The following TENT4B variants were observed in gnomAD, a reference collection of about 807,000 sequenced individuals.
TENT4B encodes the protein terminal nucleotidyltransferase 4B.
In TENT4B, 10 loss-of-function variants were observed where a neutral mutation model predicts 75.0. The ratio of observed to expected loss-of-function variants is 0.13; its 90% CI spans 0.08 to 0.23. The LOEUF is 0.23. Among genes scored for constraint, TENT4B ranks in the 10% least tolerant of loss-of-function variants. The pLI is 1.00. For synonymous variants in TENT4B, 350 were observed against 357.7 expected, an observed-to-expected ratio of 0.98 and a Z score of 0.24; for missense variants, 579 against 893.8, an observed-to-expected ratio of 0.65 and a Z score of 4.49.
In TENT4B at chr16:50,229,479, C is replaced by A; in HGVS notation, c.*151C>A. 4 of 1,241,260 alleles carry A rather than the reference C, an allele frequency of 3.2e-6. No individual in the cohort carries two copies. The highest frequency in any genetic ancestry group is 3.7e-5 in the South Asian group (1 of 26,932). 76.9% of individuals were successfully genotyped at this position (1,241,260 alleles called of 1,614,324 possible). ...TTTCCCAGCTCGCCACAGAATGGAT[C>A]ATGAAGACTGACAACTGCAAAAAAA... On this transcript the variant is annotated 3_prime_UTR_variant, in exon 12 of 12. Transcript: ENST00000561678.
intron 1 of TENT4B, among the ~76,000 whole-genome samples, chr16:50,204,522 G>C (rs2030838514): frequency 6.6e-6 from 1 of 152,136 alleles, no homozygotes; most frequent in East Asian, 1.9e-4. Flanking sequence ...TGTCTAGCTG[G>C]TAGCTGCAAG....
Position 50,224,900 on chromosome 16 carries a change from T to C in TENT4B, c.1518T>C (p.Gly506=). 6.2e-7 allele frequency: 1 copy of C among 1,613,416 alleles called. No homozygotes were observed. Among genetic ancestry groups the C allele is most frequent in the Non-Finnish European group, 8.5e-7 (1 of 1,179,506 alleles). ...YPNNETESIL[G]RIIRVTDEVA... is the part of the protein sequence containing the mutation. ...TTTTAAACACATGCAGCATACTAGG[T>C]AGAATAATTAGAGTAACAGATGAAG... Residue 506 remains glycine (G), a synonymous_variant, in exon 9 of 12, where the codon GGT becomes GGC. Coordinates refer to ENST00000561678, the MANE Select transcript of TENT4B (RefSeq NM_001365324.3).
At chr16:50,196,498 A>ATCT (rs1413043836) in intron 1 of TENT4B, among the ~76,000 whole-genome samples, 2 of 145,832 alleles carry the variant, frequency 1.4e-5, no homozygotes, top group Non-Finnish European at 2.9e-5. Flanking sequence ...TATCATCATC[A>ATCT]TCATCATCAT....
At position 50,230,184 on chromosome 16, in the gene TENT4B, G is replaced by A. The variant is rs72780194; in HGVS notation, c.*856G>A. The A allele has an allele frequency of 0.018, 17,422 of 983,500 alleles. 195 individuals are homozygous for A. Among genetic ancestry groups the A allele is most frequent in the Middle Eastern group, 0.024 (46 of 1,910 alleles). 60.9% of individuals were successfully genotyped at this position (983,500 alleles called of 1,614,324 possible). On this transcript the variant is annotated 3_prime_UTR_variant, in exon 12 of 12. Coordinates refer to ENST00000561678, the MANE Select transcript of TENT4B (RefSeq NM_001365324.3). ...CTGAAAAATCTCTGGTCATCTCCGA[G>A]AATTAACTTGCAACTGTTTTCTATA...
At chr16:50,165,518 C>T (rs2038083429) in intron 1 of TENT4B, among the ~76,000 whole-genome samples, 3 of 152,086 alleles carry the variant, frequency 2.0e-5, no homozygotes, top group Non-Finnish European at 4.4e-5. Context: ...GTACAACCAT[C>T]GCAACTAATT....
At chr16:50,153,285 C>T (rs1280445959), upstream of TENT4B, among the ~76,000 whole-genome samples, 1 of 137,126 alleles carries the variant, frequency 7.3e-6, no homozygotes, top group Non-Finnish European at 1.6e-5. Flanking sequence ...GCTGCCGCCG[C>T]TGCCGCCGCC....
intron 1 of TENT4B, among the ~76,000 whole-genome samples, chr16:50,177,424 T>C (rs1258217494): frequency 6.6e-6 from 1 of 152,194 alleles, no homozygotes; most frequent in African/African-American, 2.4e-5. Flanking sequence ...TAAAGGTGCA[T>C]TGAGATTGTC....
At chr16:50,202,605 A>T (rs972430773) in intron 1 of TENT4B, among the ~76,000 whole-genome samples, 3 of 152,206 alleles carry the variant, frequency 2.0e-5, no homozygotes, top group Non-Finnish European at 4.4e-5. Context: ...GAATACCATC[A>T]ACCGTTCTTC....
intron 1 of TENT4B, among the ~76,000 whole-genome samples, chr16:50,176,431 A>G: frequency 6.6e-6 from 1 of 150,598 alleles, no homozygotes; most frequent in Non-Finnish European, 1.5e-5. Flanking sequence ...AAATCCACAT[A>G]TAAGTGGACA....
rs897900780 is a variant in TENT4B, at chr16:50,153,837, G to A, written c.216G>A (p.Ala72=). The change falls in exon 1 of 12, where the codon GCG becomes GCA. Residue 72 remains alanine, a synonymous_variant. Transcript: ENST00000561678. ...GCAGCACCGGCAGCCCCGGCGGCGC[G>A]GCCTCGGCCCCGGCCCCGGCCCCGG... ...SGSSTGSPGG[A]ASAPAPAPAG... 6 of 1,256,732 alleles carry A rather than the reference G, an allele frequency of 4.8e-6. No homozygotes were observed. The African/African-American group carries it at 7.8e-5, about 16-fold the overall frequency. The allele number at this position is 1,256,732 out of a possible 1,614,324, so 77.8% of individuals were successfully genotyped here.
At chr16:50,222,965 TACAA>T (rs913879681) in intron 6 of TENT4B, among the ~76,000 whole-genome samples, 16 of 152,186 alleles carry the variant, frequency 1.1e-4, no homozygotes, top group African/African-American at 3.9e-4. Flanking sequence ...AATTCAGCCT[TACAA>T]ACAGTCTCCC....
At chr16:50,180,986 C>G (rs2038404221) in intron 1 of TENT4B, among the ~76,000 whole-genome samples, 1 of 152,170 alleles carries the variant, frequency 6.6e-6, no homozygotes, top group Non-Finnish European at 1.5e-5. Context: ...TGATTAGAAC[C>G]ATAACAAGTG....
intron 2 of TENT4B, 78 bp from the exon 3 acceptor site, chr16:50,214,143 T>A: frequency 2.6e-6 from 3 of 1,158,762 alleles, no homozygotes; most frequent in Non-Finnish European, 1.3e-6. Context: ...AAACTGACAT[T>A]TCTCCATATC....
rs944239471 is a variant in TENT4B, at chr16:50,231,510, G to A, written c.*2182G>A. The A allele has an allele frequency of 1.5e-5, 15 of 985,602 alleles. No individual in the cohort carries two copies. In the African/African-American group the frequency reaches 2.6e-4, roughly 17 times the overall value. The allele number at this position is 985,602 out of a possible 1,614,324, so 61.1% of individuals were successfully genotyped here. ...ATCACCCTCATTGTTGAAAGTAAATGTACTCTTAGGGTGCGAATATTAGTG... is the reference window on the plus strand; with the variant it reads ...ATCACCCTCATTGTTGAAAGTAAATATACTCTTAGGGTGCGAATATTAGTG... On this transcript the variant is annotated 3_prime_UTR_variant, in exon 12 of 12. Transcript: ENST00000561678.
rs5816679 is a variant in TENT4B at position 50,194,216 on chromosome 16, CT to C, written c.639-17094del. The stretch of plus-strand genomic sequence containing the variant: ...TCTGTTCTTTCTTTCTCTTTTCTTT[CT>C]TTTTTTTTTTTTCTCTGAGACGGAG... On this transcript the variant is annotated intron_variant, in intron 1 of 11. Transcript: ENST00000561678. Among the ~76,000 whole-genome samples the C allele has an allele frequency of 1.0e-3, 142 of 139,802 alleles. 2 individuals are homozygous for C. Among genetic ancestry groups the C allele is most frequent in the African/African-American group, 3.3e-3 (125 of 38,026 alleles). 91.7% of individuals were successfully genotyped at this position (139,802 alleles called of 152,430 possible). A position where few individuals can be genotyped will look rare whatever the true frequency, so the allele number is the denominator to read the frequency against.
At chr16:50,170,007 T>G (rs1447336821) in intron 1 of TENT4B, among the ~76,000 whole-genome samples, 4 of 152,150 alleles carry the variant, frequency 2.6e-5, no homozygotes, top group Non-Finnish European at 2.9e-5. Context: ...ATGCTTGCTT[T>G]CCCTTGAAGT....
chr16:50,165,156 T>C (rs2038075066), intron 1 of TENT4B, among the ~76,000 whole-genome samples: 1 of 152,184 alleles, frequency 6.6e-6, no homozygotes, highest in Non-Finnish European at 1.5e-5. Context: ...TGACCTTGTA[T>C]TCATAGTACA....
At chr16:50,196,455 G>A (rs1168167296) in intron 1 of TENT4B, among the ~76,000 whole-genome samples, 3 of 151,926 alleles carry the variant, frequency 2.0e-5, no homozygotes, top group Non-Finnish European at 4.4e-5. Context: ...TTACCGGGAA[G>A]CCATATACTT....
intron 5 of TENT4B, among the ~76,000 whole-genome samples, chr16:50,221,832 C>T (rs1005324560): frequency 2.0e-5 from 3 of 151,460 alleles, no homozygotes; most frequent in African/African-American, 7.3e-5. Context: ...GGCACGATCT[C>T]GCCTCACTAC....
Sources: gnomAD v4.1 joint callset for allele counts (sites outside exome capture counted in the v4.1 genomes callset) on GRCh38, gnomAD v4.1.1 for gene constraint, MANE v1.5 for transcripts, NCBI Gene and HGNC (gene_info 2026-07-23, HGNC 2026-07-21) for gene names.